Variants in LAMA1 observed in about 807,000 individuals in gnomAD.
LAMA1 encodes laminin subunit alpha-1.
LAMA1 carries 219 observed loss-of-function variants against 348.7 expected under a neutral mutation model. That is an observed-to-expected ratio of 0.63 (90% CI 0.56 to 0.70). The LOEUF (loss-of-function observed/expected upper bound fraction) is 0.70, where lower values mean the gene tolerates loss of function less well. Among genes scored for constraint, LAMA1 ranks in the 30% least tolerant of loss-of-function variants. The pLI, the probability that LAMA1 is intolerant of heterozygous loss-of-function variation, is 0.00. For missense variants in LAMA1, 3,744 were observed against 3,888.0 expected (o/e 0.96, Z 0.99); for synonymous variants, 1,487 against 1,491.0 (o/e 1.00, Z 0.06).
chr18:7,105,453 T>A (rs1445620500), intron 1 of LAMA1, among the ~76,000 whole-genome samples: 4 of 139,458 alleles, frequency 2.9e-5, no homozygotes, highest in African/African-American at 8.6e-5. Context: ...AATAAATAAA[T>A]AAATAAATAA....
intron 1 of LAMA1, among the ~76,000 whole-genome samples, chr18:7,085,405 T>C (rs1336684269): frequency 7.0e-6 from 1 of 143,806 alleles, no homozygotes; most frequent in Non-Finnish European, 1.5e-5. Context: ...TTTTTTCTTC[T>C]TCTTCTTCTT....
chr18:7,041,054 G>A (rs191179202), intron 9 of LAMA1, among the ~76,000 whole-genome samples: 3 of 152,134 alleles, frequency 2.0e-5, no homozygotes, highest in Admixed American at 1.3e-4. Context: ...GAAAATGTTC[G>A]ACTCTTAGAT....
chr18:7,030,718 T>A (rs2057964912), intron 16 of LAMA1, among the ~76,000 whole-genome samples: 1 of 152,188 alleles, frequency 6.6e-6, no homozygotes, highest in South Asian at 2.1e-4. Flanking sequence ...TTTAGCATTA[T>A]CACTTTAATG....
intron 4 of LAMA1, among the ~76,000 whole-genome samples, chr18:7,049,738 G>A (rs899538153): frequency 6.6e-6 from 1 of 152,108 alleles, no homozygotes; most frequent in Non-Finnish European, 1.5e-5. Flanking sequence ...TTAATTACTT[G>A]TGAATTACCA....
intron 1 of LAMA1, among the ~76,000 whole-genome samples, chr18:7,099,581 T>C (rs996228297): frequency 1.9e-4 from 29 of 151,340 alleles, no homozygotes; most frequent in South Asian, 1.7e-3. Flanking sequence ...AGAGCTAAAT[T>C]ATAAACTTTC....
At chr18:6,956,142 T>C (rs571961316) in intron 56 of LAMA1, 5 of 326,360 alleles carry the variant, frequency 1.5e-5, no homozygotes, top group African/African-American at 1.1e-4. Context: ...ATCTTCTAAA[T>C]TATTAGAGTG....
At chr18:6,992,766 G>T in intron 35 of LAMA1, 46 bp from the exon 36 acceptor site, 1 of 1,529,522 alleles carries the variant, frequency 6.5e-7, no homozygotes, top group Non-Finnish European at 9.0e-7. Context: ...CTCAAAAGTG[G>T]CTAGTACCAA....
intron 47 of LAMA1, among the ~76,000 whole-genome samples, 154 bp downstream of exon 47, chr18:6,972,903 C>A (rs774984460): frequency 1.3e-5 from 2 of 152,210 alleles, no homozygotes; most frequent in Admixed American, 6.5e-5. Context: ...GTTGGTCAGG[C>A]TGGTCTTGAA....
At chr18:7,061,774 T>C (rs2058102741) in intron 3 of LAMA1, among the ~76,000 whole-genome samples, 1 of 152,092 alleles carries the variant, frequency 6.6e-6, no homozygotes, top group African/African-American at 2.4e-5. Context: ...ATGGGCGCGG[T>C]GGAGGCCTGC....
intron 16 of LAMA1, among the ~76,000 whole-genome samples, chr18:7,029,688 T>C (rs1379649587): frequency 1.3e-5 from 2 of 152,142 alleles, no homozygotes; most frequent in South Asian, 2.1e-4. Context: ...CATCTTTCGA[T>C]TGAAAAAAGA....
chr18:6,965,613 C>A (rs2144017355), intron 49 of LAMA1, 181 bp from the exon 50 acceptor site: 1 of 627,478 alleles, frequency 1.6e-6, no homozygotes, highest in Non-Finnish European at 2.8e-6. Flanking sequence ...TAGAACACTA[C>A]ACTAATATAA....
chr18:7,010,425 C>T, intron 25 of LAMA1, 40 bp from the exon 26 acceptor site: 2 of 1,587,852 alleles, frequency 1.3e-6, no homozygotes, highest in Non-Finnish European at 1.7e-6. Flanking sequence ...TCTGACAAAG[C>T]TTTCATTCAA....
At chr18:7,097,941 G>A (rs2058269286) in intron 1 of LAMA1, among the ~76,000 whole-genome samples, 1 of 150,578 alleles carries the variant, frequency 6.6e-6, no homozygotes, top group African/African-American at 2.4e-5. Flanking sequence ...TGCCATCTCG[G>A]CTCACTGCAA....
chr18:6,982,643 G>A, intron 40 of LAMA1, 53 bp from the exon 41 acceptor site: 1 of 1,438,018 alleles, frequency 7.0e-7, no homozygotes. Flanking sequence ...GTGGAGTCCT[G>A]CTGGGGACAG....
In LAMA1 at chr18:6,959,445, G is replaced by C. The variant is rs73390534; in HGVS notation, c.7674C>G (p.Val2558=). 2,307 of 1,614,198 alleles carry C rather than the reference G, an allele frequency of 1.4e-3. 25 individuals carry two copies. The African/African-American group carries it at 0.027, about 19-fold the overall frequency. The part of the protein sequence containing the change: ...MLIGGNIEVH[V]NPGDGTGLRK... The stretch of plus-strand genomic sequence containing the variant: ...TCAGGCCTGTCCCATCCCCAGGATT[G>C]ACATGTACCTCAATGTTGCCTCCGA... The change falls in exon 54 of 63, where the codon GTC becomes GTG. Residue 2558 remains valine, a synonymous_variant. Transcript: ENST00000389658.
rs532938648 is a variant in LAMA1 at position 7,107,936 on chromosome 18, T to C, written c.61+9724A>G. Reference sequence around the variant, plus strand: ...GGCTGAGGCAGGAGAATGGCGTGAATCTGGGAGGCAGAGCTTGCAGTGAGC... The same window carrying C: ...GGCTGAGGCAGGAGAATGGCGTGAACCTGGGAGGCAGAGCTTGCAGTGAGC... On this transcript the variant is annotated intron_variant, in intron 1 of 62. Transcript: ENST00000389658. Among the ~76,000 whole-genome samples the C allele has an allele frequency of 1.5e-3, 221 of 146,850 alleles. 2 individuals are homozygous for C. Among genetic ancestry groups the C allele is most frequent in the Middle Eastern group, 7.4e-3 (2 of 270 alleles).
Position 7,012,105 on chromosome 18 carries a change from G to A in LAMA1, c.3397C>T (p.Arg1133Ter), listed in dbSNP as rs767889331. 10 of 1,613,738 alleles carry A rather than the reference G, an allele frequency of 6.2e-6. No homozygotes were observed. Among genetic ancestry groups the A allele is most frequent in the East Asian group, 2.2e-5 (1 of 44,894 alleles). Reference protein sequence around the residue: ...NVFGPQCNECREGTFALRADN... With the variant: ...NVFGPQCNEC The stretch of plus-strand genomic sequence containing the variant: ...GCGCGGAGAGCGAAGGTGCCCTCTC[G>A]ACATTCGTTGCACTGAGGACCAAAG... Residue 1133 changes from arginine to a stop codon, truncating the protein, a stop_gained, in exon 24 of 63, where the codon CGA (arginine) becomes TGA (stop). Transcript: ENST00000389658. LOFTEE classifies it high-confidence loss of function.
At chr18:7,001,588 AT>A (rs1406063353) in intron 30 of LAMA1, among the ~76,000 whole-genome samples, 1 of 152,214 alleles carries the variant, frequency 6.6e-6, no homozygotes, top group Non-Finnish European at 1.5e-5. Context: ...TCAGACAAAT[AT>A]TAAAAGGAAT....
intron 1 of LAMA1, among the ~76,000 whole-genome samples, chr18:7,103,468 T>G (rs1477809212): frequency 6.6e-6 from 1 of 151,912 alleles, no homozygotes; most frequent in Non-Finnish European, 1.5e-5. Context: ...CTATCCATTC[T>G]CTTTCTTAGT....
Sources: allele counts gnomAD v4.1 joint callset (sites outside exome capture counted in the v4.1 genomes callset), GRCh38; gene constraint gnomAD v4.1.1; transcripts MANE v1.5; gene names NCBI Gene and HGNC (gene_info 2026-07-23, HGNC 2026-07-21).